The following ABCD2 variants were observed in gnomAD, a reference collection of about 807,000 sequenced individuals.
The protein encoded by ABCD2 is ATP-binding cassette sub-family D member 2.
ABCD2 carries 36 observed loss-of-function variants against 70.9 expected under a neutral mutation model. That is an observed-to-expected ratio of 0.51 (90% CI 0.39 to 0.67). ABCD2 has a LOEUF of 0.67. ABCD2 is among the 30% of genes least tolerant of loss of function. The pLI is 0.00. For missense variants in ABCD2, 729 were observed against 890.2 expected, an observed-to-expected ratio of 0.82 and a Z score of 2.30; for synonymous variants, 304 against 306.9, an observed-to-expected ratio of 0.99 and a Z score of 0.10.
At chr12:39,585,960 T>C (rs1941659302) in intron 7 of ABCD2, among the ~76,000 whole-genome samples, 192 bp downstream of exon 7, 1 of 152,174 alleles carries the variant, frequency 6.6e-6, no homozygotes, top group Non-Finnish European at 1.5e-5. Flanking sequence ...AAACTTAGTG[T>C]GTTGCATTAA....
intron 2 of ABCD2, among the ~76,000 whole-genome samples, chr12:39,613,919 C>T (rs1942081166): frequency 6.6e-6 from 1 of 152,196 alleles, no homozygotes; most frequent in Non-Finnish European, 1.5e-5. Context: ...TTTTTCCTTT[C>T]CCTTCCAACA....
Position 39,618,831 on chromosome 12 carries a change from A to G in ABCD2, c.785T>C (p.Leu262Pro). 6.2e-7 allele frequency: 1 copy of G among 1,614,266 alleles called. No homozygotes were observed. Among genetic ancestry groups the G allele is most frequent in the Non-Finnish European group, 8.5e-7 (1 of 1,180,052 alleles). ...CACTTTAGCAGTGGCATACACCACA[A>G]GTCCTGCTAGTAGGGTGGGCCCAAT... Reference protein sequence around the residue: ...SPIGPTLLAGLVVYATAKVLK... With the variant: ...SPIGPTLLAGPVVYATAKVLK... Residue 262 changes from leucine (L) to proline (P), a missense_variant, in exon 1 of 10, where the codon CTT becomes CCT. Physicochemically the swap from Leu to Pro is moderately conservative, Grantham distance 98. This residue lies in a region of ABCD2 where 195 missense variants were observed against 300.2 expected (regional missense o/e 0.65). Coordinates refer to ENST00000308666, the MANE Select transcript of ABCD2 (RefSeq NM_005164.4).
the ABCD2 span, among the ~76,000 whole-genome samples, chr12:39,534,913 AAAGAAAG>A: frequency 3.0e-5 from 3 of 99,420 alleles, no homozygotes; most frequent in Admixed American, 2.7e-4. Flanking sequence ...AGAAAGAAAG[AAAGAAAG>A]AAAGAAAGAA....
At chr12:39,536,738 C>T in the ABCD2 span, among the ~76,000 whole-genome samples, 2,365 of 152,220 alleles carry the variant, frequency 0.016, 77 homozygotes, top group African/African-American at 0.052. Context: ...CACTTTCCAT[C>T]CCCCTAAATG....
chr12:39,580,216 C>T (rs560469732), intron 7 of ABCD2, among the ~76,000 whole-genome samples: 2 of 152,294 alleles, frequency 1.3e-5, no homozygotes, highest in South Asian at 2.1e-4. Context: ...GCTGGGACTA[C>T]AGGTGTGAGC....
downstream of ABCD2, among the ~76,000 whole-genome samples, chr12:39,547,463 C>A (rs979285790): frequency 6.6e-6 from 1 of 152,060 alleles, no homozygotes; most frequent in Non-Finnish European, 1.5e-5. Context: ...TATACATGTA[C>A]AGGACTGTTA....
At chr12:39,569,740 A>T (rs1004927508) in intron 9 of ABCD2, among the ~76,000 whole-genome samples, 2 of 152,156 alleles carry the variant, frequency 1.3e-5, no homozygotes, top group African/African-American at 4.8e-5. Context: ...TGTAGACTGG[A>T]GCTGTTCCTA....
chr12:39,536,915 T>A, the ABCD2 span, among the ~76,000 whole-genome samples: 2 of 152,206 alleles, frequency 1.3e-5, no homozygotes, highest in African/African-American at 4.8e-5. Context: ...AAGCTTTATG[T>A]ATATTGTCTC....
At chr12:39,584,837 G>A (rs1236447583) in intron 7 of ABCD2, among the ~76,000 whole-genome samples, 1 of 152,096 alleles carries the variant, frequency 6.6e-6, no homozygotes, top group Non-Finnish European at 1.5e-5. Context: ...TAGATGTGCG[G>A]CCTTATTTCT....
chr12:39,569,854 A>T (rs140230850), intron 9 of ABCD2, among the ~76,000 whole-genome samples: 27 of 152,342 alleles, frequency 1.8e-4, no homozygotes, highest in African/African-American at 6.0e-4. Flanking sequence ...AGACTCCATC[A>T]GAAAACATTA....
At chr12:39,581,657 AC>A (rs767477009) in intron 7 of ABCD2, among the ~76,000 whole-genome samples, 1 of 152,160 alleles carries the variant, frequency 6.6e-6, no homozygotes, top group Non-Finnish European at 1.5e-5. Context: ...TCTGGGCTTA[AC>A]TTTTTTTTCC....
chr12:39,580,719 C>A (rs1319492009), intron 7 of ABCD2, among the ~76,000 whole-genome samples: 1 of 152,110 alleles, frequency 6.6e-6, no homozygotes, highest in Non-Finnish European at 1.5e-5. Flanking sequence ...ATACTTACAG[C>A]AAAATTTCTA....
At chr12:39,573,034 T>C (rs1941469688) in intron 9 of ABCD2, among the ~76,000 whole-genome samples, 1 of 152,136 alleles carries the variant, frequency 6.6e-6, no homozygotes, top group South Asian at 2.1e-4. Context: ...TAGTTCTCAG[T>C]TTCTTCATCT....
the ABCD2 span, among the ~76,000 whole-genome samples, chr12:39,541,238 A>G: frequency 1.3e-5 from 2 of 152,216 alleles, no homozygotes; most frequent in Admixed American, 1.3e-4. Context: ...GAAAAGTAAA[A>G]TTACATCTGT....
chr12:39,534,768 AAGAAAGAAAGAAAGAAAGAAAG>A, the ABCD2 span, among the ~76,000 whole-genome samples: 1 of 33,798 alleles, frequency 3.0e-5, no homozygotes, highest in Non-Finnish European at 7.4e-5. Flanking sequence ...AAGAGAAAGA[AAGAAAGAAAGAAAGAAAGAAAG>A]AAAGAAAGAA....
intron 3 of ABCD2, among the ~76,000 whole-genome samples, chr12:39,606,517 T>A (rs1279203639): frequency 6.6e-6 from 1 of 152,254 alleles, no homozygotes; most frequent in Non-Finnish European, 1.5e-5. Flanking sequence ...TAATGTGAGA[T>A]AAATAAAATT....
chr12:39,592,975 T>C (rs1171503285), intron 6 of ABCD2, among the ~76,000 whole-genome samples: 1 of 152,210 alleles, frequency 6.6e-6, no homozygotes, highest in Admixed American at 6.5e-5. Context: ...ATCTGAGATC[T>C]TGGATAAAAA....
chr12:39,592,458 T>C (rs1201462451), intron 6 of ABCD2, among the ~76,000 whole-genome samples: 1 of 152,274 alleles, frequency 6.6e-6, no homozygotes, highest in South Asian at 2.1e-4. Flanking sequence ...ACAATTACAA[T>C]ATATTTACTA....
intron 7 of ABCD2, among the ~76,000 whole-genome samples, chr12:39,583,478 A>G (rs1434384577): frequency 1.3e-5 from 2 of 152,202 alleles, no homozygotes; most frequent in African/African-American, 4.8e-5. Context: ...GAATTATTGA[A>G]TTATTTGAAA....
Sources: allele counts gnomAD v4.1 joint callset (sites outside exome capture counted in the v4.1 genomes callset), GRCh38; gene constraint gnomAD v4.1.1; regional missense constraint gnomAD v4.1.1; transcripts MANE v1.5; gene names NCBI Gene and HGNC (gene_info 2026-07-23, HGNC 2026-07-21).